TRPV3: variants seen among roughly 807,000 people sequenced by gnomAD.
The protein encoded by TRPV3 is transient receptor potential cation channel subfamily V member 3, also known as VRL-3.
Under a neutral mutation model 87.1 loss-of-function variants are expected in TRPV3, and 88 were observed. The ratio of observed to expected loss-of-function variants is 1.01; its 90% CI spans 0.85 to 1.21. The LOEUF is 1.21. Among genes scored for constraint, TRPV3 ranks in the 50% most tolerant of loss-of-function variants. The pLI, the probability that TRPV3 is intolerant of heterozygous loss-of-function variation, is 0.00. For synonymous variants in TRPV3, 438 were observed against 423.3 expected (o/e 1.03, Z -0.43); for missense variants, 1,054 against 1,030.1 (o/e 1.02, Z -0.32).
rs1358239551 is a variant in TRPV3, at chr17:3,549,693, T to C, written c.120-4422A>G. ...ACAGATGATGGAATGGGTAGATGAG[T>C]GGATGGATGATGGATGGATGGATGG... is the stretch of plus-strand genomic sequence containing the variant. On this transcript the variant is annotated intron_variant, in intron 2 of 17. Coordinates refer to ENST00000576742, the MANE Select transcript of TRPV3 (RefSeq NM_145068.4). 2.1e-5 allele frequency among the ~76,000 whole-genome samples: 3 copies of C among 146,114 alleles called. No homozygotes were observed. The East Asian group carries it at 6.3e-4, about 31-fold the overall frequency.
At chr17:3,525,019 T>TG (rs763025443) in intron 12 of TRPV3, among the ~76,000 whole-genome samples, 330 of 151,976 alleles carry the variant, frequency 2.2e-3, no homozygotes, top group Non-Finnish European at 3.2e-3. Context: ...TGGTGTTTTT[T>TG]GGGGGGGTCA....
intron 12 of TRPV3, among the ~76,000 whole-genome samples, chr17:3,526,343 T>G (rs1169407834): frequency 2.0e-5 from 3 of 152,158 alleles, no homozygotes; most frequent in African/African-American, 7.2e-5. Context: ...CCAGGTGTGA[T>G]GGTGCACGTC....
chr17:3,541,532 T>G (rs574736716), intron 6 of TRPV3, among the ~76,000 whole-genome samples: 1 of 152,282 alleles, frequency 6.6e-6, no homozygotes, highest in East Asian at 1.9e-4. Flanking sequence ...CTTACTGATT[T>G]TCCCCTGTGG....
intron 14 of TRPV3, among the ~76,000 whole-genome samples, chr17:3,520,567 T>C (rs934362988): frequency 6.6e-6 from 1 of 152,224 alleles, no homozygotes; most frequent in African/African-American, 2.4e-5. Context: ...AGTTGGATTA[T>C]GAGTGGCTGG....
intron 6 of TRPV3, 22 bp from the exon 7 acceptor site, chr17:3,535,735 G>C: frequency 6.8e-7 from 1 of 1,461,994 alleles, no homozygotes; most frequent in Non-Finnish European, 9.0e-7. Flanking sequence ...GCGGGGACGC[G>C]CGGGAGCCTC....
chr17:3,520,960 A>G lies in TRPV3; in HGVS notation c.1810+13T>C, dbSNP rs770227740. On this transcript the variant is annotated intron_variant, in intron 14 of 17. Coordinates refer to ENST00000576742, the MANE Select transcript of TRPV3 (RefSeq NM_145068.4). ...ATAAATGTGGGAGTTACTATTATTT[A>G]TAAATCAATTACCTACTCCAAATCC... 5 of 1,556,416 alleles carry G rather than the reference A, an allele frequency of 3.2e-6. No individual in the cohort carries two copies. The highest frequency in any genetic ancestry group is 2.2e-5 in the South Asian group (2 of 89,432).
chr17:3,516,618 C>T (rs1431629769), intron 15 of TRPV3, 49 bp from the exon 16 acceptor site: 2 of 1,280,352 alleles, frequency 1.6e-6, no homozygotes, highest in East Asian at 2.3e-5. Flanking sequence ...CTCACAAGCA[C>T]ACACAAGGGC....
At chr17:3,529,125 G>A in intron 9 of TRPV3, 130 bp from the exon 10 acceptor site, 1 of 1,085,118 alleles carries the variant, frequency 9.2e-7, no homozygotes, top group Middle Eastern at 3.0e-4. Context: ...GGACTGGTCT[G>A]GTTGGAAATG....
In TRPV3 at chr17:3,556,283, C is replaced by T. The variant is rs1442310070; in HGVS notation, c.-3+1393G>A. Among the ~76,000 whole-genome samples, 2 of 150,708 alleles carry T rather than the reference C, an allele frequency of 1.3e-5. No homozygotes were observed. Among genetic ancestry groups the T allele is most frequent in the African/African-American group, 2.4e-5 (1 of 40,908 alleles). On this transcript the variant is annotated intron_variant, in intron 1 of 17. Coordinates refer to ENST00000576742, the MANE Select transcript of TRPV3 (RefSeq NM_145068.4). This position sits in a 1 kb window ranked among gnomAD's most constrained non-coding sequence, Gnocchi z 4.2. Reference sequence around the variant, plus strand: ...AGTTGGGTGCAGAGGCTCTGGGTTACATAGGAGAGCGCGGGCTGCGTTGGG... The same window carrying T: ...AGTTGGGTGCAGAGGCTCTGGGTTATATAGGAGAGCGCGGGCTGCGTTGGG...
In TRPV3 at chr17:3,518,737, G is replaced by A. The variant is rs750439258; in HGVS notation, c.1924C>T (p.Leu642=). 2 of 1,613,792 alleles carry A rather than the reference G, an allele frequency of 1.2e-6. No individual in the cohort carries two copies. The highest frequency in any genetic ancestry group is 1.1e-5 in the South Asian group (1 of 90,952). The change falls in exon 15 of 18, where the codon CTG becomes TTG. Residue 642 remains leucine (L), a synonymous_variant. Coordinates refer to ENST00000576742, the MANE Select transcript of TRPV3 (RefSeq NM_145068.4). This position sits in a 1 kb window ranked among gnomAD's most constrained non-coding sequence, Gnocchi z 4.3. ...LFKLTIGLGD[L]NIQQNSKYPI... Reference sequence around the variant, plus strand: ...TACTTGGAGTTCTGCTGGATGTTCAGGTCACCCAGGCCTATGGTGAGCTTG... The same window carrying A: ...TACTTGGAGTTCTGCTGGATGTTCAAGTCACCCAGGCCTATGGTGAGCTTG...
chr17:3,524,492 G>A, intron 12 of TRPV3, 129 bp from the exon 13 acceptor site: 1 of 1,134,516 alleles, frequency 8.8e-7, no homozygotes. Context: ...GAAGAGACCA[G>A]AATCACGCTG....
At chr17:3,545,943 C>T (rs683521) in intron 2 of TRPV3, among the ~76,000 whole-genome samples, 44,919 of 144,564 alleles carry the variant, frequency 0.31, 7,460 homozygotes, top group Middle Eastern at 0.42. Flanking sequence ...TGAGCCGAGA[C>T]CGCGCCACTG....
intron 12 of TRPV3, among the ~76,000 whole-genome samples, chr17:3,526,105 G>GT (rs1597473740): frequency 6.6e-6 from 1 of 152,152 alleles, no homozygotes; most frequent in Non-Finnish European, 1.5e-5. Context: ...AGGCACGATT[G>GT]TAAGAAAAAC....
chr17:3,543,543 CCACG>C lies in TRPV3; in HGVS notation c.393_396del (p.Cys131TrpfsTer5). 6.2e-7 allele frequency: 1 copy of C among 1,614,140 alleles called. No individual in the cohort carries two copies. The highest frequency in any genetic ancestry group is 8.5e-7 in the Non-Finnish European group (1 of 1,180,054). ...TCCACCAGCAACTCTACCAACTCCT[CCACG>C]CAGCCCTCAGACACGGCTGCAAAGA... On this transcript the variant is annotated frameshift_variant, in exon 5 of 18. Coordinates refer to ENST00000576742, the MANE Select transcript of TRPV3 (RefSeq NM_145068.4). LOFTEE classifies it high-confidence loss of function.
chr17:3,536,655 G>C (rs534538392), intron 6 of TRPV3, among the ~76,000 whole-genome samples: 1 of 152,200 alleles, frequency 6.6e-6, no homozygotes, highest in Non-Finnish European at 1.5e-5. Context: ...GGCACATGAA[G>C]GGTGGAGAAA....
rs1359321676 is a variant in TRPV3 at position 3,543,627 on chromosome 17, C to T, written c.313G>A (p.Ala105Thr). ...ETPSNPNSPSAQLAKEEQRRK... is the reference protein window; with the variant it reads ...ETPSNPNSPSTQLAKEEQRRK... ...CTCTGCTCTTCCTTGGCCAGCTGTG[C>T]ACTGAAGCCAGAAAATGTTTCCAAC... Residue 105 changes from alanine (A) to threonine (T), a missense_variant and splice_region_variant, in exon 5 of 18, where the codon GCA (alanine) becomes ACA (threonine). Ala to Thr is a moderately conservative substitution (Grantham distance 58). Transcript: ENST00000576742. The T allele has an allele frequency of 4.3e-6, 7 of 1,613,958 alleles. No individual in the cohort carries two copies. In the Admixed American group the frequency reaches 5.0e-5, roughly 12 times the overall value.
chr17:3,537,661 TG>T (rs2074419629), intron 6 of TRPV3, among the ~76,000 whole-genome samples: 1 of 152,108 alleles, frequency 6.6e-6, no homozygotes. Context: ...CCCAGCACTT[TG>T]GGAAGCCGAG....
intron 9 of TRPV3, among the ~76,000 whole-genome samples, chr17:3,529,791 C>A (rs2074332571): frequency 6.7e-6 from 1 of 149,534 alleles, no homozygotes; most frequent in African/African-American, 2.5e-5. Context: ...CCCACCGCCC[C>A]CGCCACCACC....
chr17:3,535,982 C>A (rs2074405903), intron 6 of TRPV3, among the ~76,000 whole-genome samples: 1 of 152,248 alleles, frequency 6.6e-6, no homozygotes, highest in Admixed American at 6.5e-5. Flanking sequence ...TTATTTTCCT[C>A]AAGAAGCCCG....
Sources: gnomAD v4.1 joint callset for allele counts (sites outside exome capture counted in the v4.1 genomes callset) on GRCh38, gnomAD v4.1.1 for gene constraint, Gnocchi (gnomAD v3.1) non-coding constraint, MANE v1.5 for transcripts, NCBI Gene and HGNC (gene_info 2026-07-23, HGNC 2026-07-21) for gene names.